LRRC9: variants seen among roughly 807,000 people sequenced by gnomAD.
The protein encoded by LRRC9 is leucine-rich repeat-containing protein 9.
A neutral mutation model predicts 63.2 loss-of-function variants in LRRC9; 122 were observed. The ratio of observed to expected loss-of-function variants is 1.93; its 90% CI spans 1.67 to 2.24. The LOEUF (loss-of-function observed/expected upper bound fraction) is 2.24, where lower values mean the gene tolerates loss of function less well. LRRC9 is among the 30% of genes most tolerant of loss of function. The probability of loss-of-function intolerance (pLI) is 0.00; values close to 1 mark genes in which losing one functional copy is unlikely to be tolerated. For missense variants in LRRC9, 1,071 were observed against 627.7 expected (o/e 1.71, Z -7.55); for synonymous variants, 366 against 213.1 (o/e 1.72, Z -6.25).
exon 26 of LRRC9, chr14:60,019,237 G>A: frequency 1.4e-6 from 1 of 691,988 alleles, no homozygotes; most frequent in South Asian, 1.5e-5. Flanking sequence ...GCTATGGACA[G>A]CAAGGAATTT....
chr14:59,988,297 A>G (rs1394039783), intron 17 of LRRC9, among the ~76,000 whole-genome samples: 1 of 152,164 alleles, frequency 6.6e-6, no homozygotes, highest in Non-Finnish European at 1.5e-5. Context: ...ATTATGACTG[A>G]CTGGAAACTG....
rs1168929333 is a variant in LRRC9 at position 60,003,473 on chromosome 14, C to A, written c.2665-148C>A. Reference sequence around the variant, plus strand: ...CAAATTTTACTTTTCTGTAAACTGACAGCTTCACAATATCTTTAGCTCCTG... The same window carrying A: ...CAAATTTTACTTTTCTGTAAACTGAAAGCTTCACAATATCTTTAGCTCCTG... On this transcript the variant is annotated intron_variant, in intron 20 of 31. Transcript: ENST00000445360. This position sits in a 1 kb window ranked among gnomAD's most constrained non-coding sequence, Gnocchi z 4.2. 3.8e-6 allele frequency: 2 copies of A among 531,376 alleles called. No individual in the cohort carries two copies. Among genetic ancestry groups the A allele is most frequent in the Non-Finnish European group, 6.6e-6 (2 of 305,214 alleles). The allele number at this position is 531,376 out of a possible 1,614,324, so 32.9% of individuals were successfully genotyped here. A position where few individuals can be genotyped will look rare whatever the true frequency, so the allele number is the denominator to read the frequency against.
At chr14:59,985,262 C>A in intron 17 of LRRC9, 38 bp downstream of exon 17, 1 of 590,318 alleles carries the variant, frequency 1.7e-6, no homozygotes, top group Non-Finnish European at 3.1e-6. Flanking sequence ...AAGTGAAACT[C>A]ATAGAAGCAG....
At chr14:60,055,490 T>C (rs937064553) in intron 30 of LRRC9, among the ~76,000 whole-genome samples, 1 of 152,230 alleles carries the variant, frequency 6.6e-6, no homozygotes, top group Non-Finnish European at 1.5e-5. Context: ...TAGTTTCATA[T>C]TGCTGCTATA....
intron 10 of LRRC9, among the ~76,000 whole-genome samples, chr14:59,963,889 G>T (rs1266251845): frequency 6.6e-6 from 1 of 152,120 alleles, no homozygotes; most frequent in Non-Finnish European, 1.5e-5. Context: ...TATTTTAATA[G>T]ATTACATTAA....
At position 60,006,144 on chromosome 14, in the gene LRRC9, C is replaced by T. The variant is rs75527326; in HGVS notation, c.2843-253C>T. ...GAAATTCAATATTTTCATGTAATGC[C>T]TTTCCTTAACTCCTAAGAAGAAGGA... On this transcript the variant is annotated intron_variant, in intron 21 of 31. Coordinates refer to ENST00000445360, the Ensembl canonical transcript of LRRC9. 7.7e-3 allele frequency among the ~76,000 whole-genome samples: 1,169 copies of T among 152,000 alleles called. 15 individuals are homozygous for T. Among genetic ancestry groups the T allele is most frequent in the African/African-American group, 0.027 (1,112 of 41,492 alleles).
Position 60,031,976 on chromosome 14 carries a change from C to T in LRRC9, c.3922-19C>T, listed in dbSNP as rs78911078. 3.0e-3 allele frequency: 2,113 copies of T among 695,400 alleles called. 35 individuals are homozygous for T. The African/African-American group carries it at 0.032, about 11-fold the overall frequency. The allele number at this position is 695,400 out of a possible 1,614,324, so 43.1% of individuals were successfully genotyped here. ...TTGAGTCTAACCAAATAATAACTTA[C>T]TGATTAACTTTTGAATAGGATATCA... On this transcript the variant is annotated intron_variant, in intron 28 of 31. Coordinates refer to ENST00000445360, the Ensembl canonical transcript of LRRC9. This position sits in a 1 kb window ranked among gnomAD's most constrained non-coding sequence, Gnocchi z 4.6.
chr14:60,035,354 T>C (rs2140345890), intron 29 of LRRC9, among the ~76,000 whole-genome samples: 1 of 152,326 alleles, frequency 6.6e-6, no homozygotes, highest in African/African-American at 2.4e-5. Context: ...TTCAGCTTGA[T>C]GTAATCCCAT....
intron 26 of LRRC9, among the ~76,000 whole-genome samples, chr14:60,021,755 T>C (rs748325840): frequency 1.3e-4 from 20 of 151,888 alleles, no homozygotes; most frequent in Non-Finnish European, 2.2e-4. Flanking sequence ...CTTTCCTCTA[T>C]TGAATTGTTT....
intron 17 of LRRC9, among the ~76,000 whole-genome samples, chr14:59,995,024 T>G (rs1026064000): frequency 1.4e-5 from 2 of 147,668 alleles, no homozygotes; most frequent in African/African-American, 2.5e-5. Flanking sequence ...AAAAAGAAAA[T>G]AAATGTATCG....
rs763534521 is a variant in LRRC9 at position 59,942,065 on chromosome 14, T to C, written c.727-2524T>C. ...ATACGTGAGTGATAACATGCAGTCT[T>C]TATTTTTCTGTGCTTGACTTATTTC... On this transcript the variant is annotated intron_variant, in intron 7 of 31. Coordinates refer to ENST00000445360, the Ensembl canonical transcript of LRRC9. The surrounding 1 kb of genome is among the most constrained non-coding windows in gnomAD (Gnocchi z 5.3). Among the ~76,000 whole-genome samples the C allele has an allele frequency of 6.6e-6, 1 of 152,102 alleles. No individual in the cohort carries two copies. The highest frequency in any genetic ancestry group is 1.5e-5 in the Non-Finnish European group (1 of 67,942).
chr14:60,003,742 C>G lies in LRRC9; in HGVS notation c.2786C>G (p.Ser929Cys). 1.5e-6 allele frequency: 1 copy of G among 688,332 alleles called. No homozygotes were observed. The highest frequency in any genetic ancestry group is 2.6e-6 in the Non-Finnish European group (1 of 379,828). The allele number at this position is 688,332 out of a possible 1,614,324, so 42.6% of individuals were successfully genotyped here. The stretch of plus-strand genomic sequence containing the variant: ...CTCACTAAAATGGAGGGTCTGGAAT[C>G]CTGTATTAACTTGGAAGAGCTCACA... The change falls in exon 21 of 32, where the codon TCC (serine) becomes TGC (cysteine). Residue 929 changes from serine to cysteine, a missense_variant. By Grantham distance (112) the Ser-to-Cys change is moderately radical. Transcript: ENST00000445360. The surrounding 1 kb of genome is among the most constrained non-coding windows in gnomAD (Gnocchi z 4.2).
At chr14:60,032,252 G>C (rs2140331096) in intron 29 of LRRC9, among the ~76,000 whole-genome samples, 189 bp downstream of exon 29, 2 of 151,988 alleles carry the variant, frequency 1.3e-5, no homozygotes, top group Middle Eastern at 3.4e-3. Flanking sequence ...TAAATAAGAA[G>C]GTCTGTTTCA....
intron 23 of LRRC9, among the ~76,000 whole-genome samples, chr14:60,008,770 T>A (rs1890017919): frequency 1.3e-5 from 2 of 152,122 alleles, no homozygotes; most frequent in Admixed American, 1.3e-4. Flanking sequence ...GCATGACAAA[T>A]GTGTAAAGAG....
chr14:59,968,333 A>G (rs544980001), intron 12 of LRRC9, among the ~76,000 whole-genome samples: 1 of 152,264 alleles, frequency 6.6e-6, no homozygotes, highest in Non-Finnish European at 1.5e-5. Context: ...AATAATGAAA[A>G]AGTTCTGGAA....
intron 29 of LRRC9, among the ~76,000 whole-genome samples, chr14:60,037,838 G>C (rs901330649): frequency 3.9e-5 from 6 of 152,134 alleles, no homozygotes; most frequent in Non-Finnish European, 8.8e-5. Context: ...TGAAGTCCTT[G>C]TCCATGTCTA....
intron 17 of LRRC9, among the ~76,000 whole-genome samples, chr14:59,997,110 G>A (rs1888879804): frequency 6.6e-6 from 1 of 151,754 alleles, no homozygotes. Flanking sequence ...TGAGCAATAG[G>A]ATTATATATG....
chr14:60,041,579 G>C (rs554628178), intron 29 of LRRC9, among the ~76,000 whole-genome samples: 2 of 152,150 alleles, frequency 1.3e-5, no homozygotes, highest in Non-Finnish European at 2.9e-5. Flanking sequence ...TCCTGCCATG[G>C]TTTTCAGCTC....
In LRRC9 at chr14:59,944,711, A is replaced by T. The variant is rs766896917; in HGVS notation, c.849A>T (p.Glu283Asp). The T allele has an allele frequency of 4.4e-6, 3 of 677,966 alleles. No individual in the cohort carries two copies. The South Asian group carries it at 4.9e-5, about 11-fold the overall frequency. 42.0% of individuals were successfully genotyped at this position (677,966 alleles called of 1,614,324 possible). Residue 283 changes from glutamate to aspartate, a missense_variant, in exon 8 of 32, where the codon GAA (glutamate) becomes GAT (aspartate). Transcript: ENST00000445360. The stretch of plus-strand genomic sequence containing the variant: ...GCAAATTACAAAAGTTGCCAGAAGA[A>T]CGAGTAAAATTATTCAGCTTTGTGA...
Sources: allele counts gnomAD v4.1 joint callset (sites outside exome capture counted in the v4.1 genomes callset), GRCh38; gene constraint gnomAD v4.1.1; non-coding constraint Gnocchi (gnomAD v3.1); transcripts MANE v1.5; gene names NCBI Gene and HGNC (gene_info 2026-07-23, HGNC 2026-07-21).